Variants in PCED1B observed in about 807,000 individuals in gnomAD.
The protein encoded by PCED1B is PC-esterase domain containing 1B.
For missense variants in PCED1B, 573 were observed against 573.9 expected (o/e 1.00, Z 0.02); for synonymous variants, 251 against 246.1 (o/e 1.02, Z -0.19).
intron 1 of PCED1B, among the ~76,000 whole-genome samples, chr12:47,082,787 C>T (rs761292139): frequency 2.0e-5 from 3 of 152,078 alleles, no homozygotes; most frequent in Non-Finnish European, 4.4e-5. Context: ...TTAGATTAAA[C>T]AGAAGAGAGA....
chr12:47,214,466 T>G (rs1943187192), intron 2 of PCED1B, among the ~76,000 whole-genome samples: 1 of 152,090 alleles, frequency 6.6e-6, no homozygotes, highest in Admixed American at 6.6e-5. Context: ...TCTAGGTTCT[T>G]TGGCTGGGAT....
intron 2 of PCED1B, among the ~76,000 whole-genome samples, chr12:47,109,828 T>C (rs1358945018): frequency 6.6e-6 from 1 of 152,166 alleles, no homozygotes; most frequent in African/African-American, 2.4e-5. Flanking sequence ...GGGAGTAGGA[T>C]CTATGCATCA....
intron 2 of PCED1B, among the ~76,000 whole-genome samples, chr12:47,149,793 C>T (rs1006300617): frequency 6.6e-6 from 1 of 152,186 alleles, no homozygotes; most frequent in African/African-American, 2.4e-5. Flanking sequence ...TGAAGGCAAA[C>T]ATTCTAATGA....
intron 1 of PCED1B, among the ~76,000 whole-genome samples, chr12:47,094,939 T>C (rs854897): frequency 0.89 from 131,901 of 148,238 alleles, 58,811 homozygotes; most frequent in East Asian, 0.99. Flanking sequence ...GTGTCTCACG[T>C]TTTGTCACAC....
chr12:47,174,640 C>A (rs1215245041), intron 2 of PCED1B, among the ~76,000 whole-genome samples: 1 of 152,052 alleles, frequency 6.6e-6, no homozygotes, highest in South Asian at 2.1e-4. Context: ...TTTTTTATTC[C>A]CATGCCTAAA....
chr12:47,133,162 A>G (rs1390606975), intron 2 of PCED1B, among the ~76,000 whole-genome samples: 1 of 152,178 alleles, frequency 6.6e-6, no homozygotes, highest in African/African-American at 2.4e-5. Flanking sequence ...ATTTTCATAT[A>G]TTTGTAAATT....
chr12:47,154,627 T>C (rs1293145804), intron 2 of PCED1B, among the ~76,000 whole-genome samples: 1 of 152,078 alleles, frequency 6.6e-6, no homozygotes, highest in Non-Finnish European at 1.5e-5. Flanking sequence ...AGAGTAAATG[T>C]ATGTGTGTGG....
intron 2 of PCED1B, chr12:47,209,536 A>G (rs1472261855): frequency 6.6e-6 from 1 of 152,248 alleles, no homozygotes; most frequent in Non-Finnish European, 1.5e-5. Context: ...ACCTGGATTA[A>G]AGTAGACTCT....
intron 1 of PCED1B, among the ~76,000 whole-genome samples, chr12:47,080,502 G>C (rs1937641971): frequency 6.6e-6 from 1 of 152,182 alleles, no homozygotes; most frequent in Non-Finnish European, 1.5e-5. Flanking sequence ...GGAGGAGGTC[G>C]CGGGGAGGGA....
intron 2 of PCED1B, among the ~76,000 whole-genome samples, chr12:47,187,659 A>G (rs1201066692): frequency 6.6e-6 from 1 of 152,178 alleles, no homozygotes; most frequent in African/African-American, 2.4e-5. Flanking sequence ...GCTGGAGGTG[A>G]TGGAGAGAAC....
chr12:47,081,805 G>C (rs933515771), intron 1 of PCED1B, among the ~76,000 whole-genome samples: 3 of 152,166 alleles, frequency 2.0e-5, no homozygotes, highest in African/African-American at 7.2e-5. Flanking sequence ...CATGAAGGCA[G>C]AAGAAAGACC....
chr12:47,231,320 C>T (rs1297093130), intron 3 of PCED1B, among the ~76,000 whole-genome samples: 1 of 152,158 alleles, frequency 6.6e-6, no homozygotes, highest in Non-Finnish European at 1.5e-5. Flanking sequence ...AAGAACTACA[C>T]ATTTTGTGAA....
intron 2 of PCED1B, among the ~76,000 whole-genome samples, chr12:47,151,901 G>T (rs1307405836): frequency 6.6e-6 from 1 of 152,172 alleles, no homozygotes; most frequent in African/African-American, 2.4e-5. Flanking sequence ...CACACCGGAA[G>T]TAAGGCTTAA....
chr12:47,216,845 C>T (rs1430382885), intron 3 of PCED1B, among the ~76,000 whole-genome samples, 156 bp downstream of exon 3: 1 of 152,182 alleles, frequency 6.6e-6, no homozygotes, highest in East Asian at 1.9e-4. Context: ...AAAGAGACAA[C>T]TGGTGCTTGG....
chr12:47,171,560 T>C lies in PCED1B; in HGVS notation c.-525-44662T>C, dbSNP rs1941735868. Among the ~76,000 whole-genome samples the C allele has an allele frequency of 2.0e-5, 3 of 152,236 alleles. No homozygotes were observed. In the South Asian group the frequency reaches 6.2e-4, roughly 31 times the overall value. The stretch of plus-strand genomic sequence containing the variant: ...AAGCTATACTGCTTGCCATTTTTGT[T>C]TCCTCTCTTCATCTTCTACTCTGAC... On this transcript the variant is annotated intron_variant, in intron 2 of 3. Transcript: ENST00000546455.
intron 2 of PCED1B, among the ~76,000 whole-genome samples, chr12:47,127,367 TTC>T (rs2137334852): frequency 7.3e-6 from 1 of 136,288 alleles, no homozygotes; most frequent in South Asian, 2.6e-4. Context: ...TGTTTTTTAT[TTC>T]TTTTTTTTTT....
chr12:47,103,362 G>C (rs892910213), intron 1 of PCED1B, among the ~76,000 whole-genome samples: 6 of 152,158 alleles, frequency 3.9e-5, no homozygotes, highest in African/African-American at 1.4e-4. Context: ...CAATCACCCT[G>C]TGCTCATTAA....
intron 1 of PCED1B, among the ~76,000 whole-genome samples, chr12:47,087,538 C>G (rs1179927005): frequency 6.6e-6 from 1 of 152,104 alleles, no homozygotes; most frequent in African/African-American, 2.4e-5. Context: ...TATGGTTGCT[C>G]TCCTCTAGGA....
At chr12:47,210,742 G>A (rs1156704590) in intron 2 of PCED1B, 1 of 152,128 alleles carries the variant, frequency 6.6e-6, no homozygotes, top group African/African-American at 2.4e-5. Flanking sequence ...TCCAGCCTGG[G>A]TAACTGAGCA....
Sources: allele counts gnomAD v4.1 joint callset (sites outside exome capture counted in the v4.1 genomes callset), GRCh38; gene constraint gnomAD v4.1.1; transcripts MANE v1.5; gene names NCBI Gene and HGNC (gene_info 2026-07-23, HGNC 2026-07-21).